SEMA3A: variants seen among roughly 807,000 people sequenced by gnomAD.
The protein encoded by SEMA3A is semaphorin-3A.
Under a neutral mutation model 97.9 loss-of-function variants are expected in SEMA3A, and 29 were observed. The ratio of observed to expected loss-of-function variants is 0.30; its 90% confidence interval spans 0.22 to 0.40. The LOEUF (loss-of-function observed/expected upper bound fraction) is 0.40. Among genes scored for constraint, SEMA3A ranks in the 10% least tolerant of loss-of-function variants. SEMA3A has a pLI of 1.00. For missense variants in SEMA3A, 763 were observed against 951.3 expected (o/e 0.80, Z 2.60); for synonymous variants, 321 against 323.7 (o/e 0.99, Z 0.09).
chr7:84,146,564 A>G (rs1350655925), intron 1 of SEMA3A, among the ~76,000 whole-genome samples: 1 of 152,220 alleles, frequency 6.6e-6, no homozygotes, highest in Admixed American at 6.5e-5. Context: ...AATGAGCAAT[A>G]TTAATTTTTA....
intron 6 of SEMA3A, among the ~76,000 whole-genome samples, chr7:84,034,309 G>T (rs1791867507): frequency 6.6e-6 from 1 of 151,986 alleles, no homozygotes; most frequent in African/African-American, 2.4e-5. Flanking sequence ...TCTTATCTTG[G>T]AACAGTATAT....
chr7:84,098,689 A>AT (rs1794854047), intron 4 of SEMA3A, among the ~76,000 whole-genome samples: 1 of 152,130 alleles, frequency 6.6e-6, no homozygotes, highest in South Asian at 2.1e-4. Flanking sequence ...TTAACTTGAA[A>AT]TTCAAAGTTT....
intron 2 of SEMA3A, among the ~76,000 whole-genome samples, chr7:84,351,559 A>G (rs770971434): frequency 1.3e-4 from 20 of 152,172 alleles, no homozygotes; most frequent in Non-Finnish European, 2.1e-4. Context: ...AAATGGATAA[A>G]TATCTGAATA....
At chr7:84,149,585 C>T (rs1200895694) in intron 1 of SEMA3A, among the ~76,000 whole-genome samples, 1 of 152,184 alleles carries the variant, frequency 6.6e-6, no homozygotes, top group Admixed American at 6.5e-5. Context: ...ACGTCAAATT[C>T]AGAACAAGAT....
chr7:84,423,151 A>C (rs899428575), intron 1 of SEMA3A, among the ~76,000 whole-genome samples: 2 of 152,132 alleles, frequency 1.3e-5, no homozygotes, highest in African/African-American at 4.8e-5. Context: ...TACACAAATC[A>C]AAACATTTTC....
At chr7:84,388,061 A>C (rs1043417830) in intron 1 of SEMA3A, among the ~76,000 whole-genome samples, 1 of 152,326 alleles carries the variant, frequency 6.6e-6, no homozygotes, top group Admixed American at 6.5e-5. Flanking sequence ...CCTTTAAAAA[A>C]GATGCTTAAG....
At chr7:84,254,861 A>G (rs1799683124) in intron 3 of SEMA3A, among the ~76,000 whole-genome samples, 1 of 152,124 alleles carries the variant, frequency 6.6e-6, no homozygotes, top group African/African-American at 2.4e-5. Flanking sequence ...TTGATGGCCT[A>G]CACATATGAA....
intron 15 of SEMA3A, among the ~76,000 whole-genome samples, chr7:83,969,573 A>G (rs987927828): frequency 6.6e-6 from 1 of 152,222 alleles, no homozygotes; most frequent in African/African-American, 2.4e-5. Context: ...TGACATCCTC[A>G]AGACATAGAG....
intron 12 of SEMA3A, among the ~76,000 whole-genome samples, chr7:83,997,083 G>T (rs1418535688): frequency 6.6e-6 from 1 of 152,132 alleles, no homozygotes; most frequent in African/African-American, 2.4e-5. Flanking sequence ...TTTAATTCAT[G>T]TATTTATATG....
At chr7:84,441,983 C>T (rs1049563504) in intron 1 of SEMA3A, among the ~76,000 whole-genome samples, 7 of 152,238 alleles carry the variant, frequency 4.6e-5, no homozygotes, top group African/African-American at 1.7e-4. Flanking sequence ...CAGACGTGCT[C>T]TGCAAGAAAT....
chr7:84,310,237 G>GA (rs1477030177), intron 2 of SEMA3A, among the ~76,000 whole-genome samples: 5 of 152,032 alleles, frequency 3.3e-5, no homozygotes, highest in South Asian at 2.1e-4. Context: ...TGTCTGACAA[G>GA]AAAAAATATA....
chr7:84,092,103 A>G (rs1394215015), intron 4 of SEMA3A, among the ~76,000 whole-genome samples: 4 of 152,122 alleles, frequency 2.6e-5, no homozygotes, highest in Admixed American at 1.3e-4. Flanking sequence ...CTGTTCACAT[A>G]TATTTTTTAA....
rs543880616 is a variant in SEMA3A at position 84,363,482 on chromosome 7, CA to C, written c.-169+8341del. 2.8e-3 allele frequency among the ~76,000 whole-genome samples: 429 copies of C among 152,006 alleles called. 3 individuals are homozygous for C. Among genetic ancestry groups the C allele is most frequent in the African/African-American group, 9.6e-3 (399 of 41,526 alleles). Reference sequence around the variant, plus strand: ...AGTTCTTTAAAAACAAAAGTTTTAACAGCTTTCTTTAGATCTATATCTATCT... The same window carrying C: ...AGTTCTTTAAAAACAAAAGTTTTAACGCTTTCTTTAGATCTATATCTATCT... On this transcript the variant is annotated intron_variant, in intron 2 of 3. Coordinates refer to the SEMA3A transcript ENST00000424555.
intron 1 of SEMA3A, among the ~76,000 whole-genome samples, chr7:84,152,135 G>T (rs569218725): frequency 6.7e-4 from 102 of 151,610 alleles, no homozygotes; most frequent in African/African-American, 2.1e-3. Context: ...TCAGTGTGGC[G>T]ATTCCTCAGG....
At chr7:84,095,590 A>G (rs1794750482) in intron 4 of SEMA3A, among the ~76,000 whole-genome samples, 1 of 149,128 alleles carries the variant, frequency 6.7e-6, no homozygotes, top group Non-Finnish European at 1.5e-5. Flanking sequence ...ACTAGTCTCC[A>G]TTCTGTTCAC....
At chr7:84,049,760 A>T (rs28611135) in intron 5 of SEMA3A, among the ~76,000 whole-genome samples, 11 of 151,464 alleles carry the variant, frequency 7.3e-5, no homozygotes, top group African/African-American at 2.7e-4. Flanking sequence ...CATGTGCACA[A>T]TGTGCAGGTT....
intron 1 of SEMA3A, among the ~76,000 whole-genome samples, chr7:84,190,728 A>AAT (rs926392350): frequency 1.1e-4 from 16 of 147,600 alleles, no homozygotes; most frequent in African/African-American, 3.9e-4. Flanking sequence ...GTATATATAT[A>AAT]ATATATATAC....
chr7:84,363,537 C>A (rs1802774354), intron 2 of SEMA3A, among the ~76,000 whole-genome samples: 1 of 151,776 alleles, frequency 6.6e-6, no homozygotes, highest in Admixed American at 6.6e-5. Context: ...TTTAATTGAC[C>A]TAAGATTTTT....
At chr7:84,212,062 G>A (rs1798641984) in intron 3 of SEMA3A, among the ~76,000 whole-genome samples, 3 of 152,188 alleles carry the variant, frequency 2.0e-5, no homozygotes, top group Admixed American at 1.3e-4. Flanking sequence ...GCAGAGCATT[G>A]CATGTACTAT....
Sources: gnomAD v4.1 joint callset for allele counts (sites outside exome capture counted in the v4.1 genomes callset) on GRCh38, gnomAD v4.1.1 for gene constraint, MANE v1.5 for transcripts, NCBI Gene and HGNC (gene_info 2026-07-23, HGNC 2026-07-21) for gene names.